CHLSN: variants seen among roughly 807,000 people sequenced by gnomAD.
CHLSN encodes the protein protein cholesin.
the CHLSN span, among the ~76,000 whole-genome samples, chr7:1,135,986 A>T: frequency 2.3e-4 from 27 of 116,264 alleles, no homozygotes; most frequent in African/African-American, 1.0e-3. Flanking sequence ...TAAATATATA[A>T]GCATATATAA....
chr7:1,007,839 A>G, the CHLSN span, among the ~76,000 whole-genome samples: 1 of 152,140 alleles, frequency 6.6e-6, no homozygotes, highest in Non-Finnish European at 1.5e-5. Flanking sequence ...GCATGCTCCC[A>G]GGCACTCAGG....
the CHLSN span, among the ~76,000 whole-genome samples, chr7:1,084,942 G>T: frequency 8.5e-5 from 13 of 152,352 alleles, no homozygotes; most frequent in Middle Eastern, 3.4e-3. Context: ...CAGGGAGCAG[G>T]AAGGGGTTGC....
At chr7:1,105,204 C>G in the CHLSN span, among the ~76,000 whole-genome samples, 1 of 152,244 alleles carries the variant, frequency 6.6e-6, no homozygotes, top group East Asian at 1.9e-4. Flanking sequence ...CTCACTTCAG[C>G]TTAAAATACC....
chr7:1,071,100 AGCCATGGGGGG>A, the CHLSN span, among the ~76,000 whole-genome samples: 29 of 152,234 alleles, frequency 1.9e-4, no homozygotes, highest in African/African-American at 6.3e-4. Context: ...GGGTAACAGG[AGCCATGGGGGG>A]GCCATGAGAC....
the CHLSN span, among the ~76,000 whole-genome samples, chr7:1,038,449 A>G: frequency 2.5e-4 from 12 of 47,984 alleles, no homozygotes; most frequent in East Asian, 5.4e-4. Flanking sequence ...CAGCCCCCCA[A>G]CCCGGCCAGC....
the CHLSN span, among the ~76,000 whole-genome samples, chr7:992,304 C>T: frequency 5.9e-5 from 9 of 152,234 alleles, no homozygotes; most frequent in Non-Finnish European, 2.9e-5. Context: ...ACGTGCCTCC[C>T]ATTACCATCC....
At chr7:1,024,251 C>T in the CHLSN span, among the ~76,000 whole-genome samples, 1 of 152,232 alleles carries the variant, frequency 6.6e-6, no homozygotes, top group African/African-American at 2.4e-5. Flanking sequence ...TGCCTCCCTA[C>T]TCCCGCCTGC....
the CHLSN span, among the ~76,000 whole-genome samples, chr7:1,135,621 G>T: frequency 1.3e-5 from 2 of 151,156 alleles, no homozygotes; most frequent in Non-Finnish European, 2.9e-5. Context: ...ACAAAAATTA[G>T]CTGGGTGTGC....
At chr7:988,862 C>T in the CHLSN span, 1 of 1,310,776 alleles carries the variant, frequency 7.6e-7, no homozygotes, top group Non-Finnish European at 1.0e-6. Flanking sequence ...CCACTCCCCT[C>T]CCAGCCCTGG....
the CHLSN span, among the ~76,000 whole-genome samples, chr7:1,006,784 C>T: frequency 8.2e-4 from 125 of 151,802 alleles, no homozygotes; most frequent in South Asian, 2.7e-3. Flanking sequence ...ACGGCCACAG[C>T]GCAGGGAAAG....
the CHLSN span, among the ~76,000 whole-genome samples, chr7:1,112,522 G>A: frequency 2.0e-5 from 3 of 152,182 alleles, no homozygotes; most frequent in African/African-American, 4.8e-5. Context: ...CAGGAACACC[G>A]TGGATGGCCC....
chr7:1,016,990 C>G, the CHLSN span, among the ~76,000 whole-genome samples: 4 of 141,034 alleles, frequency 2.8e-5, no homozygotes, highest in African/African-American at 1.1e-4. Flanking sequence ...CAGCGCACAG[C>G]AGCGCACAGG....
the CHLSN span, among the ~76,000 whole-genome samples, chr7:1,048,003 T>G: frequency 2.7e-5 from 4 of 150,310 alleles, no homozygotes. Context: ...TCCAAGTAGG[T>G]GGGAAAGAGA....
the CHLSN span, among the ~76,000 whole-genome samples, chr7:978,515 TCTACAAGAA>T: frequency 6.6e-6 from 1 of 152,152 alleles, no homozygotes; most frequent in Admixed American, 6.5e-5. Flanking sequence ...TGAGACCTTG[TCTACAAGAA>T]AAAAGGAAAA....
At chr7:1,057,303 C>T in the CHLSN span, among the ~76,000 whole-genome samples, 2 of 152,180 alleles carry the variant, frequency 1.3e-5, no homozygotes, top group Admixed American at 6.5e-5. Flanking sequence ...CAGCAGCCCC[C>T]GGTCACGACC....
chr7:1,053,845 C>G, the CHLSN span, among the ~76,000 whole-genome samples: 1 of 152,096 alleles, frequency 6.6e-6, no homozygotes, highest in Non-Finnish European at 1.5e-5. Context: ...AAAAACAAAA[C>G]CAAAAAACCA....
At chr7:990,541 G>C in the CHLSN span, among the ~76,000 whole-genome samples, 1 of 152,022 alleles carries the variant, frequency 6.6e-6, no homozygotes, top group East Asian at 1.9e-4. Context: ...CCAAGGCCAG[G>C]ACGTGGTGGC....
At chr7:1,088,486 C>T in the CHLSN span, among the ~76,000 whole-genome samples, 5 of 152,178 alleles carry the variant, frequency 3.3e-5, no homozygotes, top group African/African-American at 1.2e-4. This position sits in a 1 kb window ranked among gnomAD's most constrained non-coding sequence, Gnocchi z 4.5. Context: ...GGCACAGACC[C>T]CTCTCCCCCG....
chr7:1,055,354 G>C, the CHLSN span: 1 of 471,012 alleles, frequency 2.1e-6, no homozygotes, highest in Non-Finnish European at 4.4e-6. Flanking sequence ...AAGAGCCTGC[G>C]GGTTTGCAGA....
Sources: allele counts gnomAD v4.1 joint callset (sites outside exome capture counted in the v4.1 genomes callset), GRCh38; gene constraint gnomAD v4.1.1; non-coding constraint Gnocchi (gnomAD v3.1); transcripts MANE v1.5; gene names NCBI Gene and HGNC (gene_info 2026-07-23, HGNC 2026-07-21).